The following SETD7 variants were observed in gnomAD, a reference collection of about 807,000 sequenced individuals.
SETD7 encodes the protein histone-lysine N-methyltransferase SETD7.
In SETD7, 16 loss-of-function variants were observed where a neutral mutation model predicts 41.8. The observed-to-expected ratio is 0.38, with a 90% CI of 0.26 to 0.58. The LOEUF is 0.58. Among genes scored for constraint, SETD7 ranks in the 20% least tolerant of loss-of-function variants. The pLI, the probability that SETD7 is intolerant of heterozygous loss-of-function variation, is 0.64. For missense variants in SETD7, 346 were observed against 459.7 expected (o/e 0.75, Z 2.26); for synonymous variants, 163 against 169.7 (o/e 0.96, Z 0.31).
At chr4:139,493,935 A>G (rs1726402837), downstream of SETD7, among the ~76,000 whole-genome samples, 1 of 152,170 alleles carries the variant, frequency 6.6e-6, no homozygotes, top group Admixed American at 6.5e-5. Context: ...CTTCTTGTAC[A>G]TAACTTTTCT....
intron 2 of SETD7, among the ~76,000 whole-genome samples, chr4:139,537,194 C>G (rs904236905): frequency 1.3e-5 from 2 of 152,110 alleles, no homozygotes; most frequent in African/African-American, 2.4e-5. Context: ...AGGCTGTTCT[C>G]GAACTCCTGA....
chr4:139,526,313 C>T (rs991703656), intron 4 of SETD7, among the ~76,000 whole-genome samples: 4 of 151,090 alleles, frequency 2.6e-5, no homozygotes, highest in Non-Finnish European at 1.5e-5. Flanking sequence ...TCACTCCTGT[C>T]GCCCAGACTG....
chr4:139,551,084 G>T (rs1223623710), intron 1 of SETD7, among the ~76,000 whole-genome samples: 2 of 152,240 alleles, frequency 1.3e-5, no homozygotes, highest in Admixed American at 6.5e-5. Flanking sequence ...AAGGCTTTGT[G>T]GTTAAGATCA....
At position 139,511,745 on chromosome 4, in the gene SETD7, C is replaced by G; in HGVS notation, c.1019G>C (p.Ser340Thr). ...TTCAGGCCCACTCTTCCCGGGGGGG[C>G]TGTGGTCATAGCCATAGGCAACGGT... ...ELTVAYGYDH[S>T]PPGKSGPEAP... The change falls in exon 8 of 8, where the codon AGC becomes ACC. Residue 340 changes from serine to threonine, a missense_variant. Physicochemically the swap from Ser to Thr is moderately conservative, Grantham distance 58 (BLOSUM62 1). Transcript: ENST00000274031. 6.2e-7 allele frequency: 1 copy of G among 1,614,138 alleles called. No individual in the cohort carries two copies.
exon 8 of SETD7, chr4:139,496,331 T>C (rs775910079): frequency 8.6e-6 from 6 of 700,450 alleles, no homozygotes. Flanking sequence ...GCAGAGTTCA[T>C]TCCATTCGCT....
intron 1 of SETD7, among the ~76,000 whole-genome samples, chr4:139,549,168 G>C (rs956567501): frequency 3.3e-5 from 5 of 152,068 alleles, no homozygotes; most frequent in African/African-American, 1.2e-4. Flanking sequence ...CCTCATACTA[G>C]AGCATTTATT....
At chr4:139,495,107 A>T (rs1278694906), downstream of SETD7, among the ~76,000 whole-genome samples, 1 of 152,188 alleles carries the variant, frequency 6.6e-6, no homozygotes, top group Non-Finnish European at 1.5e-5. Context: ...TCCTTTAACC[A>T]GTTTGGATGG....
At chr4:139,551,814 C>T (rs1448305293) in intron 1 of SETD7, among the ~76,000 whole-genome samples, 1 of 152,006 alleles carries the variant, frequency 6.6e-6, no homozygotes, top group African/African-American at 2.4e-5. Context: ...CCCAGGAGAC[C>T]AGTCTGGGCA....
intron 7 of SETD7, chr4:139,496,653 A>ATCC (rs1016733221): frequency 8.2e-6 from 5 of 608,714 alleles, no homozygotes; most frequent in Middle Eastern, 3.9e-4. Context: ...AATCTTCTCC[A>ATCC]TCCTCTCTTT....
At chr4:139,533,771 G>A (rs1033428536) in intron 2 of SETD7, among the ~76,000 whole-genome samples, 3 of 152,188 alleles carry the variant, frequency 2.0e-5, no homozygotes, top group African/African-American at 7.2e-5. Flanking sequence ...GTTCTCAAGG[G>A]TCTTTCAGAT....
At chr4:139,530,933 C>T (rs11100112) in intron 3 of SETD7, among the ~76,000 whole-genome samples, 46,609 of 151,970 alleles carry the variant, frequency 0.31, 8,284 homozygotes, top group East Asian at 0.49. Flanking sequence ...CCTGCTATGG[C>T]CCATTACAGA....
At chr4:139,504,723 T>A (rs1198636011), downstream of SETD7, among the ~76,000 whole-genome samples, 1 of 152,210 alleles carries the variant, frequency 6.6e-6, no homozygotes, top group African/African-American at 2.4e-5. Context: ...AACCATCCCA[T>A]TAGTATAGCT....
chr4:139,510,225 A>T lies in SETD7; in HGVS notation c.*1438T>A, dbSNP rs1726831917. The T allele has an allele frequency of 3.9e-5, 5 of 127,972 alleles. No homozygotes were observed. 7.9% of individuals were successfully genotyped at this position (127,972 alleles called of 1,614,324 possible). On this transcript the variant is annotated 3_prime_UTR_variant, in exon 8 of 8. Transcript: ENST00000274031. Reference sequence around the variant, plus strand: ...CAAACTGACTCAGGTGACAGGAATCACAGCTGACAGCTACAGATCAGCACA... The same window carrying T: ...CAAACTGACTCAGGTGACAGGAATCTCAGCTGACAGCTACAGATCAGCACA...
intron 3 of SETD7, among the ~76,000 whole-genome samples, chr4:139,529,733 A>G (rs764786984): frequency 2.6e-5 from 4 of 152,236 alleles, no homozygotes; most frequent in Non-Finnish European, 5.9e-5. Context: ...AAATGTACTT[A>G]AGAATTAATT....
rs770553195 is a variant in SETD7, at chr4:139,509,809, G to T, written c.*1854C>A. The T allele has an allele frequency of 9.1e-6, 9 of 985,322 alleles. No individual in the cohort carries two copies. The highest frequency in any genetic ancestry group is 4.7e-5 in the South Asian group (1 of 21,288). The allele number at this position is 985,322 out of a possible 1,614,324, so 61.0% of individuals were successfully genotyped here. A position where few individuals can be genotyped will look rare whatever the true frequency, so the allele number is the denominator to read the frequency against. Reference sequence around the variant, plus strand: ...TGCCTTTAAATCTAAAAACTATTCAGTTCCTTTGGTGGGCAATCTTCCTGG... The same window carrying T: ...TGCCTTTAAATCTAAAAACTATTCATTTCCTTTGGTGGGCAATCTTCCTGG... On this transcript the variant is annotated 3_prime_UTR_variant, in exon 8 of 8. Transcript: ENST00000274031.
chr4:139,504,001 C>A (rs1434340097), downstream of SETD7, among the ~76,000 whole-genome samples: 1 of 152,166 alleles, frequency 6.6e-6, no homozygotes, highest in Non-Finnish European at 1.5e-5. Context: ...TGTGAGGGAG[C>A]TAGCCCCTGA....
intron 3 of SETD7, among the ~76,000 whole-genome samples, chr4:139,530,893 G>A (rs1232928800): frequency 6.6e-6 from 1 of 152,076 alleles, no homozygotes; most frequent in African/African-American, 2.4e-5. Context: ...TGGACTGTAG[G>A]GAAAATCATC....
chr4:139,545,305 T>C (rs1160622477), intron 2 of SETD7, among the ~76,000 whole-genome samples: 1 of 152,056 alleles, frequency 6.6e-6, no homozygotes, highest in Non-Finnish European at 1.5e-5. Context: ...CTACACCTCG[T>C]GGCAGAGACA....
chr4:139,523,649 T>G (rs114693960), intron 4 of SETD7, among the ~76,000 whole-genome samples: 64 of 152,350 alleles, frequency 4.2e-4, no homozygotes, highest in Non-Finnish European at 8.4e-4. Flanking sequence ...ATCAGATGCA[T>G]CTCTTAACAT....
Sources: allele counts gnomAD v4.1 joint callset (sites outside exome capture counted in the v4.1 genomes callset), GRCh38; gene constraint gnomAD v4.1.1; transcripts MANE v1.5; gene names NCBI Gene and HGNC (gene_info 2026-07-23, HGNC 2026-07-21).